The following MTHFD1 variants were observed in gnomAD, a reference collection of about 807,000 sequenced individuals.
MTHFD1 encodes methylenetetrahydrofolate dehydrogenase, cyclohydrolase and formyltetrahydrofolate synthetase 1, also known as C-1-tetrahydrofolate synthase, cytoplasmic.
Under a neutral mutation model 110.3 loss-of-function variants are expected in MTHFD1, and 44 were observed. That is an observed-to-expected ratio of 0.40 (90% CI 0.31 to 0.51). The LOEUF (loss-of-function observed/expected upper bound fraction) is 0.51, where lower values mean the gene tolerates loss of function less well. Among genes scored for constraint, MTHFD1 ranks in the 20% least tolerant of loss-of-function variants. The pLI is 0.60. For synonymous variants in MTHFD1, 402 were observed against 428.8 expected, an observed-to-expected ratio of 0.94 and a Z score of 0.77; for missense variants, 909 against 1,173.1, an observed-to-expected ratio of 0.77 and a Z score of 3.29.
At chr14:64,411,205 G>T in intron 3 of MTHFD1, 56 bp downstream of exon 3, 1 of 1,374,268 alleles carries the variant, frequency 7.3e-7, no homozygotes, top group Admixed American at 1.7e-5. Flanking sequence ...GGGTCCTATC[G>T]ATTACCCCTT....
rs544642335 is a variant in MTHFD1, at chr14:64,405,865, G to A, written c.126+4988G>A. 1.2e-4 allele frequency among the ~76,000 whole-genome samples: 19 copies of A among 152,020 alleles called. No homozygotes were observed. In the South Asian group the frequency reaches 3.5e-3, roughly 28 times the overall value. ...AGTACAAGTTGAGTATCCCTTATCCGAAATGCTTGGGACAAGAGTGTTTTA... is the reference window on the plus strand; with the variant it reads ...AGTACAAGTTGAGTATCCCTTATCCAAAATGCTTGGGACAAGAGTGTTTTA... On this transcript the variant is annotated intron_variant, in intron 2 of 27. Coordinates refer to ENST00000652337, the MANE Select transcript of MTHFD1 (RefSeq NM_005956.4).
Position 64,426,035 on chromosome 14 carries a change from C to T in MTHFD1, c.970C>T (p.Arg324Ter), listed in dbSNP as rs761741782. 19 of 1,613,394 alleles carry T rather than the reference C, an allele frequency of 1.2e-5. No homozygotes were observed. The highest frequency in any genetic ancestry group is 2.7e-5 in the African/African-American group (2 of 74,864). Residue 324 changes from arginine (R) to a stop codon, truncating the protein, a stop_gained, in exon 11 of 28, where the codon CGA (arginine) becomes TGA (stop). Transcript: ENST00000652337. LOFTEE classifies it high-confidence loss of function. ...TPVPSDIDIS[R>*]SCKPKPIGKL... Reference sequence around the variant, plus strand: ...TTTCCAAAGTGACATTGATATATCACGATCTTGTAAACCGAAGCCCATTGG... The same window carrying T: ...TTTCCAAAGTGACATTGATATATCATGATCTTGTAAACCGAAGCCCATTGG...
In MTHFD1 at chr14:64,412,541, T is replaced by C; in HGVS notation, c.240+16T>C. The C allele has an allele frequency of 6.2e-7, 1 of 1,607,346 alleles. No individual in the cohort carries two copies. On this transcript the variant is annotated intron_variant, in intron 4 of 27. Coordinates refer to ENST00000652337, the MANE Select transcript of MTHFD1 (RefSeq NM_005956.4). ...AGAATCTGAGGTGAGCTTTTATGAG[T>C]TGATTGTGAAGAGGGAAGGTGAAGT...
intron 1 of MTHFD1, among the ~76,000 whole-genome samples, chr14:64,392,407 G>A (rs2077813713): frequency 6.6e-6 from 1 of 152,160 alleles, no homozygotes; most frequent in Admixed American, 6.5e-5. Flanking sequence ...CTTTCAAAGG[G>A]GGGCTTACTA....
At chr14:64,447,076 GC>G in intron 22 of MTHFD1, among the ~76,000 whole-genome samples, 1 of 151,266 alleles carries the variant, frequency 6.6e-6, no homozygotes, top group Admixed American at 6.6e-5. Flanking sequence ...ACTCCTAGGT[GC>G]AAGTGATCCT....
chr14:64,420,390 C>G (rs1445597587), intron 8 of MTHFD1, among the ~76,000 whole-genome samples: 2 of 152,068 alleles, frequency 1.3e-5, no homozygotes, highest in South Asian at 2.1e-4. Flanking sequence ...ATAAATCTAG[C>G]CTTTTAATCA....
Position 64,411,074 on chromosome 14 carries a change from G to C in MTHFD1, c.127-16G>C. The stretch of plus-strand genomic sequence containing the variant: ...CTTTCCCTAATCATCTGATTTGCAT[G>C]CATTTATTATTCTAGGTTGGCAACA... On this transcript the variant is annotated splice_polypyrimidine_tract_variant and intron_variant, in intron 2 of 27. Coordinates refer to ENST00000652337, the MANE Select transcript of MTHFD1 (RefSeq NM_005956.4). The C allele has an allele frequency of 6.3e-7, 1 of 1,579,188 alleles. No individual in the cohort carries two copies. The highest frequency in any genetic ancestry group is 8.7e-7 in the Non-Finnish European group (1 of 1,148,632).
intron 1 of MTHFD1, among the ~76,000 whole-genome samples, chr14:64,399,656 CAAAA>C (rs34735594): frequency 1.1e-4 from 13 of 113,168 alleles, no homozygotes; most frequent in Admixed American, 1.7e-4. Flanking sequence ...GTCCCCATCT[CAAAA>C]AAAAAAAAAA....
rs2078254553 is a variant in MTHFD1, at chr14:64,442,158, G to A, written c.1989G>A (p.Gly663=). Residue 663 remains glycine (G), a synonymous_variant, in exon 20 of 28, where the codon GGG becomes GGA. Transcript: ENST00000652337. ...CACTCAAGCTTGTTGGCCCAGAAGGGTTTGTAGGTTAGTGTTTTTTGCAAA... is the reference window on the plus strand; with the variant it reads ...CACTCAAGCTTGTTGGCCCAGAAGGATTTGTAGGTTAGTGTTTTTTGCAAA... ...RIALKLVGPE[G]FVVTEAGFGA... 3.7e-6 allele frequency: 6 copies of A among 1,614,120 alleles called. No homozygotes were observed. The highest frequency in any genetic ancestry group is 3.3e-4 in the Middle Eastern group (2 of 6,062).
At position 64,440,184 on chromosome 14, in the gene MTHFD1, C is replaced by T. The variant is rs1243278107; in HGVS notation, c.1733C>T (p.Ser578Phe). 6.2e-7 allele frequency: 1 copy of T among 1,614,144 alleles called. No homozygotes were observed. Among genetic ancestry groups the T allele is most frequent in the Admixed American group, 1.7e-5 (1 of 60,016 alleles). ...EIMAVLALTT[S>F]LEDMRERLGK... ...ATGGCTGTCCTGGCTCTCACCACTT[C>T]TCTAGAAGACATGAGAGAGAGACTG... Residue 578 changes from serine to phenylalanine, a missense_variant, in exon 18 of 28, where the codon TCT (serine) becomes TTT (phenylalanine). Transcript: ENST00000652337.
intron 21 of MTHFD1, among the ~76,000 whole-genome samples, chr14:64,442,964 C>A (rs1302019387): frequency 6.6e-6 from 1 of 152,204 alleles, no homozygotes; most frequent in East Asian, 1.9e-4. Flanking sequence ...TGAATTCCTA[C>A]TGCTTAGAAA....
chr14:64,410,549 G>A (rs965185503), intron 2 of MTHFD1, among the ~76,000 whole-genome samples: 3 of 152,208 alleles, frequency 2.0e-5, no homozygotes, highest in African/African-American at 7.2e-5. Context: ...GGGGCCAGCA[G>A]ATTGCCCTTT....
chr14:64,445,040 A>T, intron 22 of MTHFD1: 1 of 406,188 alleles, frequency 2.5e-6, no homozygotes, highest in South Asian at 2.1e-5. Flanking sequence ...TTATTATTAC[A>T]ACTGGAGGTG....
intron 12 of MTHFD1, among the ~76,000 whole-genome samples, chr14:64,428,256 C>T (rs2078133476): frequency 6.6e-6 from 1 of 151,878 alleles, no homozygotes; most frequent in Admixed American, 6.6e-5. Context: ...GCTGGGATTA[C>T]AGGCACGCAT....
At chr14:64,399,528 A>G (rs1172701519) in intron 1 of MTHFD1, among the ~76,000 whole-genome samples, 1 of 151,924 alleles carries the variant, frequency 6.6e-6, no homozygotes, top group East Asian at 1.9e-4. Context: ...GCGTGGTGGC[A>G]CGTGCCTGTA....
At position 64,453,645 on chromosome 14, in the gene MTHFD1, C is replaced by G. The variant is rs2078415379; in HGVS notation, c.2458-109C>G. 9.7e-6 allele frequency: 7 copies of G among 718,272 alleles called. No individual in the cohort carries two copies. In the Middle Eastern group the frequency reaches 1.4e-3, roughly 143 times the overall value. The allele number at this position is 718,272 out of a possible 1,614,324, so 44.5% of individuals were successfully genotyped here. ...TTGCTTATGTATATGTATATAAAAACCATCTTCTGCCCCTTTTAGGGACTC... is the reference window on the plus strand; with the variant it reads ...TTGCTTATGTATATGTATATAAAAAGCATCTTCTGCCCCTTTTAGGGACTC... On this transcript the variant is annotated intron_variant, in intron 24 of 27. Coordinates refer to ENST00000652337, the MANE Select transcript of MTHFD1 (RefSeq NM_005956.4).
intron 24 of MTHFD1, among the ~76,000 whole-genome samples, chr14:64,451,991 T>C (rs1023321232): frequency 6.6e-6 from 1 of 152,220 alleles, no homozygotes; most frequent in African/African-American, 2.4e-5. Context: ...AGATAGATTA[T>C]TGCTCCTTTT....
In MTHFD1 at chr14:64,459,701, C is replaced by G. The variant is rs1184310012; in HGVS notation, c.*5-58C>G. 22 of 1,391,952 alleles carry G rather than the reference C, an allele frequency of 1.6e-5. No individual in the cohort carries two copies. The East Asian group carries it at 4.4e-4, about 28-fold the overall frequency. The allele number at this position is 1,391,952 out of a possible 1,614,324, so 86.2% of individuals were successfully genotyped here. On this transcript the variant is annotated intron_variant, in intron 27 of 27. Transcript: ENST00000652337. ...GGGTAATGGTGCAGTATGGAAGGAA[C>G]AGGAAACATTTCAGTGCTTGCTTAG...
At chr14:64,444,040 GACACC>G (rs1189342632) in intron 21 of MTHFD1, among the ~76,000 whole-genome samples, 4 of 148,546 alleles carry the variant, frequency 2.7e-5, no homozygotes, top group Non-Finnish European at 5.9e-5. Context: ...CCATGAAATG[GACACC>G]TTCACCCATT....
Sources: gnomAD v4.1 joint callset for allele counts (sites outside exome capture counted in the v4.1 genomes callset) on GRCh38, gnomAD v4.1.1 for gene constraint, MANE v1.5 for transcripts, NCBI Gene and HGNC (gene_info 2026-07-23, HGNC 2026-07-21) for gene names.